OR4D10: variants seen among roughly 807,000 people sequenced by gnomAD.
OR4D10 encodes olfactory receptor 4D10.
For synonymous variants in OR4D10, 188 were observed against 153.2 expected (o/e 1.23, Z -1.68); for missense variants, 395 against 378.0 (o/e 1.04, Z -0.37).
At position 59,478,588 on chromosome 11, in the gene OR4D10, A is replaced by AT. The variant is rs1158223515; in HGVS notation, c.*227dup. ...GAGCTCCCTCCTCTTTACCACCAAG[A>AT]TTTTGTTTCATGATTTTTCTTCCAT... On this transcript the variant is annotated 3_prime_UTR_variant, in exon 3 of 3. Coordinates refer to ENST00000530162, the MANE Select transcript of OR4D10 (RefSeq NM_001004705.2). The AT allele has an allele frequency of 1.3e-5, 5 of 379,468 alleles. No individual in the cohort carries two copies. Among genetic ancestry groups the AT allele is most frequent in the Non-Finnish European group, 1.9e-5 (4 of 214,814 alleles). The allele number at this position is 379,468 out of a possible 1,614,324, so 23.5% of individuals were successfully genotyped here. A position where few individuals can be genotyped will look rare whatever the true frequency, so the allele number is the denominator to read the frequency against.
chr11:59,478,463 A>G lies in OR4D10; in HGVS notation c.*98A>G. 1.3e-6 allele frequency: 1 copy of G among 791,108 alleles called. No homozygotes were observed. Among genetic ancestry groups the G allele is most frequent in the Non-Finnish European group, 1.9e-6 (1 of 528,294 alleles). 49.0% of individuals were successfully genotyped at this position (791,108 alleles called of 1,614,324 possible). On this transcript the variant is annotated 3_prime_UTR_variant, in exon 3 of 3. Coordinates refer to ENST00000530162, the MANE Select transcript of OR4D10 (RefSeq NM_001004705.2). ...TATATTCAAATATATTGTCAAACCA[A>G]CTACACTTAGTAATAATTAATTTTT...
At position 59,478,354 on chromosome 11, in the gene OR4D10, G is replaced by A. The variant is rs1220566724; in HGVS notation, c.925G>A (p.Asp309Asn). ...RRLKRRLVPS[D>N]RK ...ACTGAAGAGAAGACTTGTGCCTTCT[G>A]ATAGAAAATAGAAAAAAAAATCCTC... The change falls in exon 3 of 3, where the codon GAT becomes AAT. Residue 309 changes from aspartate to asparagine, a missense_variant. Coordinates refer to ENST00000530162, the MANE Select transcript of OR4D10 (RefSeq NM_001004705.2). The A allele has an allele frequency of 6.4e-7, 1 of 1,568,050 alleles. No individual in the cohort carries two copies. The highest frequency in any genetic ancestry group is 1.2e-5 in the South Asian group (1 of 83,382).
intron 2 of OR4D10, among the ~76,000 whole-genome samples, chr11:59,475,989 C>A (rs1858902320): frequency 6.6e-6 from 1 of 152,262 alleles, no homozygotes; most frequent in Non-Finnish European, 1.5e-5. Flanking sequence ...TATGTTGTAA[C>A]ACATGTAATG....
rs745729459 is a variant in OR4D10, at chr11:59,479,293, A to T, written c.*928A>T. 6.6e-6 allele frequency: 1 copy of T among 152,214 alleles called. No homozygotes were observed. Among genetic ancestry groups the T allele is most frequent in the Non-Finnish European group, 1.5e-5 (1 of 68,034 alleles). 9.4% of individuals were successfully genotyped at this position (152,214 alleles called of 1,614,324 possible). A position where few individuals can be genotyped will look rare whatever the true frequency, so the allele number is the denominator to read the frequency against. ...GCTCAATGATTGAATGTTTTCACTT[A>T]CTTGATATACTCTGTGGCCTGTGAG... On this transcript the variant is annotated 3_prime_UTR_variant, in exon 3 of 3. Transcript: ENST00000530162.
intron 2 of OR4D10, among the ~76,000 whole-genome samples, chr11:59,475,566 T>C (rs1487180092): frequency 1.3e-5 from 2 of 152,304 alleles, no homozygotes; most frequent in Non-Finnish European, 2.9e-5. Context: ...ATATTTTCCA[T>C]CAGAGCGAAA....
At position 59,477,941 on chromosome 11, in the gene OR4D10, C is replaced by T. The variant is rs753106840; in HGVS notation, c.512C>T (p.Pro171Leu). The T allele has an allele frequency of 7.4e-6, 12 of 1,613,998 alleles. No individual in the cohort carries two copies. Among genetic ancestry groups the T allele is most frequent in the Non-Finnish European group, 8.5e-6 (10 of 1,180,032 alleles). The change falls in exon 3 of 3, where the codon CCC becomes CTC. Residue 171 changes from proline to leucine, a missense_variant. Coordinates refer to ENST00000530162, the MANE Select transcript of OR4D10 (RefSeq NM_001004705.2). ...SLLLPLPFCGPNVLDTFYCDV... is the reference protein window; with the variant it reads ...SLLLPLPFCGLNVLDTFYCDV... ...TTGCTCCCACTCCCTTTCTGCGGAC[C>T]CAATGTTCTTGACACTTTCTACTGT...
chr11:59,475,813 G>A (rs149016425), intron 2 of OR4D10, among the ~76,000 whole-genome samples: 3 of 152,286 alleles, frequency 2.0e-5, no homozygotes, highest in East Asian at 1.9e-4. Flanking sequence ...TCTTATCGGA[G>A]GTGCTGCAGA....
rs565882248 is a variant in OR4D10 at position 59,478,439 on chromosome 11, A to C, written c.*74A>C. ...ATTTTTCCCATGAAGTCATATTCAT[A>C]TATTCAAATATATTGTCAAACCAAC... On this transcript the variant is annotated 3_prime_UTR_variant, in exon 3 of 3. Coordinates refer to ENST00000530162, the MANE Select transcript of OR4D10 (RefSeq NM_001004705.2). 3 of 1,034,576 alleles carry C rather than the reference A, an allele frequency of 2.9e-6. No individual in the cohort carries two copies. The Admixed American group carries it at 8.8e-5, about 30-fold the overall frequency. 64.1% of individuals were successfully genotyped at this position (1,034,576 alleles called of 1,614,324 possible).
rs1330359175 is a variant in OR4D10 at position 59,473,641 on chromosome 11, G to C, written c.-224G>C. 6.6e-6 allele frequency: 1 copy of C among 152,156 alleles called. No individual in the cohort carries two copies. Among genetic ancestry groups the C allele is most frequent in the Non-Finnish European group, 1.5e-5 (1 of 68,028 alleles). The allele number at this position is 152,156 out of a possible 1,614,324, so 9.4% of individuals were successfully genotyped here. On this transcript the variant is annotated splice_region_variant and 5_prime_UTR_variant, in exon 1 of 3. Coordinates refer to ENST00000530162, the MANE Select transcript of OR4D10 (RefSeq NM_001004705.2). The stretch of plus-strand genomic sequence containing the variant: ...TGGAGTTTTGGGATCAAAGGAACTA[G>C]GTAAAGACAAACTTCTAGCTAAGGT...
Position 59,477,544 on chromosome 11 carries a change from T to C in OR4D10, c.115T>C (p.Leu39=), listed in dbSNP as rs779855005. 1.9e-6 allele frequency: 3 copies of C among 1,614,202 alleles called. No homozygotes were observed. The highest frequency in any genetic ancestry group is 1.7e-6 in the Non-Finnish European group (2 of 1,180,022). ...LFLLLVYVTT[L]LGNLLIMVTV... ...CCTACTCTTGGTGTATGTGACAACT[T>C]TGCTGGGAAACCTCCTCATCATGGT... Residue 39 remains leucine, a synonymous_variant, in exon 3 of 3, where the codon TTG becomes CTG. Coordinates refer to ENST00000530162, the MANE Select transcript of OR4D10 (RefSeq NM_001004705.2).
chr11:59,475,029 C>T (rs1357621048), intron 2 of OR4D10, among the ~76,000 whole-genome samples: 5 of 119,186 alleles, frequency 4.2e-5, no homozygotes, highest in African/African-American at 1.6e-4. Flanking sequence ...TCACTGCACT[C>T]CAGCCTGGGT....
At position 59,477,540 on chromosome 11, in the gene OR4D10, A is replaced by G; in HGVS notation, c.111A>G (p.Thr37=). The G allele has an allele frequency of 1.9e-6, 3 of 1,614,088 alleles. No homozygotes were observed. Among genetic ancestry groups the G allele is most frequent in the Non-Finnish European group, 1.7e-6 (2 of 1,179,962 alleles). ...LFLFLLLVYV[T]TLLGNLLIMV... ...TTTTCCTACTCTTGGTGTATGTGAC[A>G]ACTTTGCTGGGAAACCTCCTCATCA... The change falls in exon 3 of 3, where the codon ACA becomes ACG. Residue 37 remains threonine, a synonymous_variant. Coordinates refer to ENST00000530162, the MANE Select transcript of OR4D10 (RefSeq NM_001004705.2).
At chr11:59,475,823 A>G (rs1241473982) in intron 2 of OR4D10, among the ~76,000 whole-genome samples, 1 of 152,232 alleles carries the variant, frequency 6.6e-6, no homozygotes, top group Non-Finnish European at 1.5e-5. Flanking sequence ...GGTGCTGCAG[A>G]GGTGTGGAAT....
chr11:59,477,339 A>G lies in OR4D10; in HGVS notation c.-91A>G. 1.0e-6 allele frequency: 1 copy of G among 953,760 alleles called. No individual in the cohort carries two copies. The highest frequency in any genetic ancestry group is 1.6e-5 in the African/African-American group (1 of 60,940). The allele number at this position is 953,760 out of a possible 1,614,324, so 59.1% of individuals were successfully genotyped here. ...ACCGCATGGGAAGTTTCTGCACTGC[A>G]TTCTAGGTGTTTAGGAAGACAACAA... On this transcript the variant is annotated 5_prime_UTR_variant, in exon 3 of 3. Coordinates refer to ENST00000530162, the MANE Select transcript of OR4D10 (RefSeq NM_001004705.2).
chr11:59,473,864 G>A (rs1858870357), intron 2 of OR4D10, 71 bp downstream of exon 2: 1 of 152,220 alleles, frequency 6.6e-6, no homozygotes, highest in Non-Finnish European at 1.5e-5. Context: ...CATTTGGTGT[G>A]AGAGGAGGCA....
In OR4D10 at chr11:59,477,424, G is replaced by C. The variant is rs745682216; in HGVS notation, c.-6G>C. 1 of 1,542,006 alleles carries C rather than the reference G, an allele frequency of 6.5e-7. No homozygotes were observed. The highest frequency in any genetic ancestry group is 8.7e-7 in the Non-Finnish European group (1 of 1,145,432). ...TAAAACCAAAGAGAATAAAGAGGATGATTGAATGGAGATGGAAAACTGCAC... is the reference window on the plus strand; with the variant it reads ...TAAAACCAAAGAGAATAAAGAGGATCATTGAATGGAGATGGAAAACTGCAC... On this transcript the variant is annotated 5_prime_UTR_variant, in exon 3 of 3. An upstream start codon of the reference 5' UTR is lost. Coordinates refer to ENST00000530162, the MANE Select transcript of OR4D10 (RefSeq NM_001004705.2).
Position 59,478,860 on chromosome 11 carries a change from A to G in OR4D10, c.*495A>G, listed in dbSNP as rs1858939295. 6.6e-6 allele frequency: 1 copy of G among 152,542 alleles called. No homozygotes were observed. The highest frequency in any genetic ancestry group is 2.1e-4 in the South Asian group (1 of 4,842). 9.4% of individuals were successfully genotyped at this position (152,542 alleles called of 1,614,324 possible). ...AAATGTGTATATGATTTTGCAGTCC[A>G]ATTTTAAAGAAAAATTAAGCCAAAT... On this transcript the variant is annotated 3_prime_UTR_variant, in exon 3 of 3. Coordinates refer to ENST00000530162, the MANE Select transcript of OR4D10 (RefSeq NM_001004705.2).
Position 59,477,335 on chromosome 11 carries a change from C to T in OR4D10, c.-95C>T. 1 of 902,220 alleles carries T rather than the reference C, an allele frequency of 1.1e-6. No homozygotes were observed. The highest frequency in any genetic ancestry group is 1.6e-6 in the Non-Finnish European group (1 of 611,110). 55.9% of individuals were successfully genotyped at this position (902,220 alleles called of 1,614,324 possible). A position where few individuals can be genotyped will look rare whatever the true frequency, so the allele number is the denominator to read the frequency against. ...TACAACCGCATGGGAAGTTTCTGCA[C>T]TGCATTCTAGGTGTTTAGGAAGACA... On this transcript the variant is annotated 5_prime_UTR_variant, in exon 3 of 3. Coordinates refer to ENST00000530162, the MANE Select transcript of OR4D10 (RefSeq NM_001004705.2).
chr11:59,477,104 A>G (rs905506027), intron 2 of OR4D10, among the ~76,000 whole-genome samples, 158 bp from the exon 3 acceptor site: 1 of 152,204 alleles, frequency 6.6e-6, no homozygotes, highest in Non-Finnish European at 1.5e-5. Context: ...GATTTATTAC[A>G]TTGGGAGTTT....
Sources: gnomAD v4.1 joint callset for allele counts (sites outside exome capture counted in the v4.1 genomes callset) on GRCh38, gnomAD v4.1.1 for gene constraint, MANE v1.5 for transcripts, NCBI Gene and HGNC (gene_info 2026-07-23, HGNC 2026-07-21) for gene names.